The following SGF29 variants were observed in gnomAD, a reference collection of about 807,000 sequenced individuals.
SGF29 encodes the protein SAGA-associated factor 29.
In SGF29, 15 loss-of-function variants were observed where a neutral mutation model predicts 38.1. The ratio of observed to expected loss-of-function variants is 0.39; its 90% CI spans 0.26 to 0.61. SGF29 has a LOEUF of 0.61. Ranked by LOEUF, SGF29 falls within the 20% of genes least tolerant of loss-of-function variation. The pLI, the probability that SGF29 is intolerant of heterozygous loss-of-function variation, is 0.49. For synonymous variants in SGF29, 151 were observed against 160.8 expected, an observed-to-expected ratio of 0.94 and a Z score of 0.46; for missense variants, 184 against 394.6, an observed-to-expected ratio of 0.47 and a Z score of 4.52.
chr16:28,576,163 TA>T (rs141815403), intron 1 of SGF29, among the ~76,000 whole-genome samples: 5,952 of 151,860 alleles, frequency 0.039, 328 homozygotes, highest in African/African-American at 0.12. Flanking sequence ...GTAAATACGT[TA>T]AAAAAAACAC....
At position 28,589,222 on chromosome 16, in the gene SGF29, C is replaced by T. The variant is rs373803346; in HGVS notation, c.289+58C>T. On this transcript the variant is annotated intron_variant, in intron 5 of 9. Transcript: ENST00000317058. ...TGCTAGGACAAGAGGAGAGGCCCTG[C>T]GGGCAGCAGTCACCCTCCTGTGGGG... 1.9e-4 allele frequency: 308 copies of T among 1,584,126 alleles called. 1 individual carries two copies. In the African/African-American group the frequency reaches 2.3e-3, roughly 12 times the overall value.
chr16:28,562,707 A>G (rs1457241693), intron 1 of SGF29, among the ~76,000 whole-genome samples: 1 of 152,042 alleles, frequency 6.6e-6, no homozygotes, highest in African/African-American at 2.4e-5. Flanking sequence ...GTTTGAGATC[A>G]TCCTGGGCAA....
At chr16:28,564,743 A>ATG (rs1491272681) in intron 1 of SGF29, among the ~76,000 whole-genome samples, 1 of 6,666 alleles carries the variant, frequency 1.5e-4, no homozygotes, top group Admixed American at 1.8e-3. Context: ...ATATGTATAT[A>ATG]TGTATATATA....
intron 1 of SGF29, among the ~76,000 whole-genome samples, chr16:28,560,060 C>T (rs1327207104): frequency 6.7e-6 from 1 of 150,232 alleles, no homozygotes; most frequent in Non-Finnish European, 1.5e-5. Flanking sequence ...GCCAACATAG[C>T]AGAACCCCTT....
intron 1 of SGF29, among the ~76,000 whole-genome samples, chr16:28,578,152 G>A (rs2151649367): frequency 6.6e-6 from 1 of 151,294 alleles, no homozygotes; most frequent in Admixed American, 6.6e-5. Context: ...CTGGGGCCTG[G>A]CCACAATTGA....
chr16:28,582,990 T>G (rs1423519296), intron 2 of SGF29, among the ~76,000 whole-genome samples: 2 of 152,168 alleles, frequency 1.3e-5, no homozygotes, highest in African/African-American at 4.8e-5. Flanking sequence ...TTCCATTCAG[T>G]CATCCACAGT....
At chr16:28,579,847 C>T (rs2046915442) in intron 1 of SGF29, among the ~76,000 whole-genome samples, 1 of 151,866 alleles carries the variant, frequency 6.6e-6, no homozygotes, top group Non-Finnish European at 1.5e-5. Flanking sequence ...AGGAGAATTG[C>T]TTGAACCTGG....
chr16:28,556,682 G>C (rs1412529763), intron 1 of SGF29, among the ~76,000 whole-genome samples: 1 of 151,814 alleles, frequency 6.6e-6, no homozygotes, highest in Non-Finnish European at 1.5e-5. Context: ...GTCTTACTCT[G>C]TCACCCAGGC....
chr16:28,554,854 C>A (rs2046738196), intron 1 of SGF29, among the ~76,000 whole-genome samples: 1 of 152,220 alleles, frequency 6.6e-6, no homozygotes, highest in African/African-American at 2.4e-5. Context: ...TAAGTTAGGT[C>A]TCAGTCCTGT....
At chr16:28,588,092 A>G (rs1366316439) in intron 4 of SGF29, among the ~76,000 whole-genome samples, 1 of 151,930 alleles carries the variant, frequency 6.6e-6, no homozygotes, top group African/African-American at 2.4e-5. Context: ...GAGCCACCAC[A>G]CCCATCCCTG....
At chr16:28,591,501 G>A in intron 9 of SGF29, 89 bp from the exon 10 acceptor site, 4 of 904,260 alleles carry the variant, frequency 4.4e-6, no homozygotes, top group Non-Finnish European at 7.4e-6. Context: ...CCACGGCCCA[G>A]AGCCTCCTGT....
At chr16:28,569,261 A>G (rs1221421847) in intron 1 of SGF29, among the ~76,000 whole-genome samples, 3 of 152,208 alleles carry the variant, frequency 2.0e-5, no homozygotes, top group African/African-American at 7.2e-5. Flanking sequence ...GACGGCTTAT[A>G]GTAAAATGTG....
At chr16:28,584,461 T>A (rs1475075881) in intron 2 of SGF29, among the ~76,000 whole-genome samples, 1 of 149,654 alleles carries the variant, frequency 6.7e-6, no homozygotes, top group Non-Finnish European at 1.5e-5. Context: ...AAGACCAGCC[T>A]GGCCAAGATG....
At chr16:28,588,462 T>G (rs1358067014) in intron 4 of SGF29, 12 of 333,426 alleles carry the variant, frequency 3.6e-5, no homozygotes, top group Non-Finnish European at 7.0e-5. Flanking sequence ...CCTGTGTCCT[T>G]TCCTCTCTGG....
intron 1 of SGF29, among the ~76,000 whole-genome samples, chr16:28,571,546 TCACG>T (rs1434686353): frequency 7.0e-6 from 1 of 142,432 alleles, no homozygotes; most frequent in Admixed American, 7.4e-5. Flanking sequence ...TGAGCCAAGA[TCACG>T]CCACTGCACT....
intron 1 of SGF29, among the ~76,000 whole-genome samples, chr16:28,572,758 A>T (rs2046872203): frequency 6.6e-6 from 1 of 152,152 alleles, no homozygotes; most frequent in South Asian, 2.1e-4. Flanking sequence ...GGAACAGGCC[A>T]GAAGGAATGT....
intron 1 of SGF29, among the ~76,000 whole-genome samples, chr16:28,557,463 A>G (rs1424713718): frequency 6.6e-6 from 1 of 152,204 alleles, no homozygotes; most frequent in Non-Finnish European, 1.5e-5. Context: ...ATCTGTATCC[A>G]TTGTGACATC....
In SGF29 at chr16:28,585,687, C is replaced by T; in HGVS notation, c.191C>T (p.Thr64Ile). The change falls in exon 4 of 10, where the codon ACA (threonine) becomes ATA (isoleucine). Residue 64 changes from threonine to isoleucine, a missense_variant. Thr to Ile is a moderately conservative substitution (Grantham distance 89). This residue lies in a region of SGF29 where 77 missense variants were observed against 117.7 expected (regional missense o/e 0.65). Transcript: ENST00000317058. ...CGGACAAAGCTGCGTGGCCTCTACACAACCGCCAAGGCCGATGCAGAGGCT... is the reference window on the plus strand; with the variant it reads ...CGGACAAAGCTGCGTGGCCTCTACATAACCGCCAAGGCCGATGCAGAGGCT... ...YYRTKLRGLY[T>I]TAKADAEAEC... 1 of 1,614,228 alleles carries T rather than the reference C, an allele frequency of 6.2e-7. No homozygotes were observed. Among genetic ancestry groups the T allele is most frequent in the South Asian group, 1.1e-5 (1 of 91,086 alleles).
chr16:28,584,850 C>A, intron 2 of SGF29, 63 bp from the exon 3 acceptor site: 2 of 1,221,086 alleles, frequency 1.6e-6, no homozygotes, highest in Non-Finnish European at 2.4e-6. Context: ...TCTGGCCTGG[C>A]TGGCAGGGTA....
Sources: allele counts gnomAD v4.1 joint callset (sites outside exome capture counted in the v4.1 genomes callset), GRCh38; gene constraint gnomAD v4.1.1; regional missense constraint gnomAD v4.1.1; transcripts MANE v1.5; gene names NCBI Gene and HGNC (gene_info 2026-07-23, HGNC 2026-07-21).